The following GET1 variants were observed in gnomAD, a reference collection of about 807,000 sequenced individuals.
The protein encoded by GET1 is guided entry of tail-anchored proteins factor 1, also known as congenital heart disease 5 protein.
In GET1, 20 loss-of-function variants were observed where a neutral mutation model predicts 22.6. The ratio of observed to expected loss-of-function variants is 0.89; its 90% CI spans 0.62 to 1.29. The LOEUF is 1.29. Among genes scored for constraint, GET1 ranks in the 50% most tolerant of loss-of-function variants. The probability of loss-of-function intolerance (pLI) is 0.00; values close to 1 mark genes in which losing one functional copy is unlikely to be tolerated. For missense variants in GET1, 209 were observed against 219.9 expected, an observed-to-expected ratio of 0.95 and a Z score of 0.31; for synonymous variants, 92 against 83.8, an observed-to-expected ratio of 1.10 and a Z score of -0.53.
chr21:39,393,476 A>G (rs1249361152), intron 4 of GET1, among the ~76,000 whole-genome samples, 196 bp downstream of exon 4: 1 of 152,092 alleles, frequency 6.6e-6, no homozygotes, highest in Non-Finnish European at 1.5e-5. Context: ...AGTGTCACCA[A>G]AATGTTAAGG....
intron 1 of GET1, among the ~76,000 whole-genome samples, chr21:39,420,471 C>T (rs944574816): frequency 8.2e-6 from 1 of 122,336 alleles, no homozygotes; most frequent in Non-Finnish European, 1.6e-5. Flanking sequence ...TGCAGTGAGC[C>T]GAGATCATGC....
chr21:39,418,271 GCCTT>G (rs1297224662), intron 1 of GET1, among the ~76,000 whole-genome samples: 1 of 152,094 alleles, frequency 6.6e-6, no homozygotes, highest in Admixed American at 6.6e-5. Flanking sequence ...AGTTTCGTTT[GCCTT>G]CCTTTCTTCA....
intron 1 of GET1, among the ~76,000 whole-genome samples, chr21:39,418,849 T>C (rs1358442784): frequency 6.6e-6 from 1 of 152,188 alleles, no homozygotes; most frequent in African/African-American, 2.4e-5. Flanking sequence ...TATGTCTGCA[T>C]GAGGAAGCAT....
At chr21:39,389,103 C>T (rs2038126921) in intron 1 of GET1, among the ~76,000 whole-genome samples, 1 of 151,948 alleles carries the variant, frequency 6.6e-6, no homozygotes, top group South Asian at 2.1e-4. Context: ...TCCCTTCTTC[C>T]CTTCCTTCCT....
chr21:39,380,846 A>G, intron 1 of GET1: 1 of 981,802 alleles, frequency 1.0e-6, no homozygotes, highest in Non-Finnish European at 1.2e-6. Flanking sequence ...GGTTTCCCAG[A>G]GGCCTGGCGG....
rs139208510 is a variant in GET1 at position 39,380,468 on chromosome 21, C to A, written c.84C>A (p.Leu28=). ...VFGCNVLRIL[L]PSFSSFMSRV... is the part of the protein sequence containing the mutation. ...GATGCAATGTTCTTAGGATCCTCCTCCCGTCCTTCTCATCCTTCGTAAGTG... is the reference window on the plus strand; with the variant it reads ...GATGCAATGTTCTTAGGATCCTCCTACCGTCCTTCTCATCCTTCGTAAGTG... Residue 28 remains leucine, a synonymous_variant, in exon 1 of 5, where the codon CTC becomes CTA. Transcript: ENST00000649170. 6.2e-7 allele frequency: 1 copy of A among 1,612,760 alleles called. No homozygotes were observed. Among genetic ancestry groups the A allele is most frequent in the East Asian group, 2.2e-5 (1 of 44,856 alleles).
chr21:39,415,217 T>A (rs1449982566), intron 1 of GET1, among the ~76,000 whole-genome samples: 1 of 152,208 alleles, frequency 6.6e-6, no homozygotes, highest in African/African-American at 2.4e-5. Context: ...AAAATAACAT[T>A]TTCTGTCATT....
Position 39,391,830 on chromosome 21 carries a change from A to T in GET1, c.330A>T (p.Val110=). 1 of 1,614,146 alleles carries T rather than the reference A, an allele frequency of 6.2e-7. No homozygotes were observed. Among genetic ancestry groups the T allele is most frequent in the Non-Finnish European group, 8.5e-7 (1 of 1,180,014 alleles). The part of the protein sequence containing the change: ...IKWVISVAFY[V]LQAALMISLI... ...GGGTGATAAGTGTCGCTTTCTACGTATTGCAGGTAAGTGTGCTAGAGCGTC... is the reference window on the plus strand; with the variant it reads ...GGGTGATAAGTGTCGCTTTCTACGTTTTGCAGGTAAGTGTGCTAGAGCGTC... Residue 110 remains valine, a synonymous_variant, in exon 3 of 5, where the codon GTA becomes GTT. Transcript: ENST00000649170.
rs1239978678 is a variant in GET1, at chr21:39,396,736, AACTTC to A, written c.452-123_452-119del. 31 of 765,892 alleles carry A rather than the reference AACTTC, an allele frequency of 4.0e-5. No individual in the cohort carries two copies. In the Middle Eastern group the frequency reaches 2.3e-3, roughly 56 times the overall value. 47.4% of individuals were successfully genotyped at this position (765,892 alleles called of 1,614,324 possible). On this transcript the variant is annotated intron_variant, in intron 4 of 4. Transcript: ENST00000649170. Reference sequence around the variant, plus strand: ...GACAAATTTGAACCTATGAAACATAAACTTCACTTCAGCCCAGCACTGCTCAAAAA... The same window carrying A: ...GACAAATTTGAACCTATGAAACATAAACTTCAGCCCAGCACTGCTCAAAAA...
At chr21:39,395,278 A>T (rs2038564250) in intron 4 of GET1, among the ~76,000 whole-genome samples, 1 of 152,152 alleles carries the variant, frequency 6.6e-6, no homozygotes, top group South Asian at 2.1e-4. Context: ...TTTTGCTATT[A>T]AAGATAATGC....
rs1330561018 is a variant in GET1 at position 39,380,696 on chromosome 21, GA to G, written c.102+211del. 7.3e-6 allele frequency: 10 copies of G among 1,378,484 alleles called. No homozygotes were observed. In the African/African-American group the frequency reaches 1.5e-4, roughly 20 times the overall value. The allele number at this position is 1,378,484 out of a possible 1,614,324, so 85.4% of individuals were successfully genotyped here. ...GACTTTCTGGGTTCTAGGGGGTTGG[GA>G]GAAACACCGGGCAACCCTGGACTCT... On this transcript the variant is annotated intron_variant, in intron 1 of 4. Transcript: ENST00000649170.
chr21:39,411,172 G>C (rs2040032992), downstream of GET1: 1 of 283,192 alleles, frequency 3.5e-6, no homozygotes, highest in Non-Finnish European at 6.9e-6. Flanking sequence ...GACAACCTAG[G>C]CTATTGTGAC....
chr21:39,422,753 T>C, intron 1 of GET1: 1 of 573,058 alleles, frequency 1.7e-6, no homozygotes. Flanking sequence ...TGAACTCTTG[T>C]GCACTGCAAC....
chr21:39,383,625 C>T, intron 1 of GET1, among the ~76,000 whole-genome samples: 2 of 148,894 alleles, frequency 1.3e-5, no homozygotes, highest in African/African-American at 5.0e-5. Context: ...GTCACCCAGG[C>T]TGGAGTGCAG....
intron 1 of GET1, chr21:39,411,866 T>G: frequency 1.1e-6 from 1 of 926,818 alleles, no homozygotes; most frequent in Non-Finnish European, 1.7e-6. Flanking sequence ...TGATTTCTTT[T>G]AAAAACAATT....
chr21:39,400,754 G>A (rs181124981), downstream of GET1, among the ~76,000 whole-genome samples: 52 of 152,178 alleles, frequency 3.4e-4, no homozygotes, highest in East Asian at 2.5e-3. Context: ...GTTCTAATGC[G>A]TATCAATCTA....
chr21:39,381,860 C>G (rs571426927), intron 1 of GET1, among the ~76,000 whole-genome samples: 99 of 152,228 alleles, frequency 6.5e-4, no homozygotes, highest in African/African-American at 2.3e-3. Flanking sequence ...ACCTCAGCCT[C>G]CCAAGTAGCT....
At chr21:39,405,842 C>A (rs761677740) in intron 4 of GET1, 2 of 1,414,830 alleles carry the variant, frequency 1.4e-6, no homozygotes, top group Non-Finnish European at 1.9e-6. Context: ...ACATAAGCAG[C>A]ATTATATCAA....
intron 1 of GET1, among the ~76,000 whole-genome samples, chr21:39,417,952 G>C (rs1452345276): frequency 2.0e-5 from 3 of 152,108 alleles, no homozygotes; most frequent in Non-Finnish European, 4.4e-5. Flanking sequence ...TTTTTTAGTA[G>C]AGATGGGGTT....
Sources: allele counts gnomAD v4.1 joint callset (sites outside exome capture counted in the v4.1 genomes callset), GRCh38; gene constraint gnomAD v4.1.1; transcripts MANE v1.5; gene names NCBI Gene and HGNC (gene_info 2026-07-23, HGNC 2026-07-21).